The following COL21A1 variants were observed in gnomAD, a reference collection of about 807,000 sequenced individuals.
COL21A1 encodes collagen alpha-1(XXI) chain.
COL21A1 carries 149 observed loss-of-function variants against 137.9 expected under a neutral mutation model. The observed-to-expected ratio is 1.08, with a 90% confidence interval of 0.95 to 1.24. The LOEUF (loss-of-function observed/expected upper bound fraction) is 1.24. Ranked by LOEUF, COL21A1 falls within the 50% of genes most tolerant of loss-of-function variation. COL21A1 has a pLI of 0.00. For synonymous variants in COL21A1, 456 were observed against 391.5 expected (o/e 1.16, Z -1.95); for missense variants, 1,167 against 1,158.4 (o/e 1.01, Z -0.11).
intron 2 of COL21A1, among the ~76,000 whole-genome samples, chr6:56,180,841 T>C (rs1048893250): frequency 6.6e-6 from 1 of 152,248 alleles, no homozygotes; most frequent in Non-Finnish European, 1.5e-5. Flanking sequence ...AGCTGTTCTT[T>C]TCTGCGCATT....
intron 1 of COL21A1, among the ~76,000 whole-genome samples, chr6:56,387,487 G>C (rs867955960): frequency 6.6e-6 from 1 of 152,274 alleles, no homozygotes. Context: ...ATAGTACCTG[G>C]TTTTAACATA....
chr6:56,101,798 G>A (rs368984596), intron 16 of COL21A1, among the ~76,000 whole-genome samples: 2 of 152,180 alleles, frequency 1.3e-5, no homozygotes, highest in African/African-American at 4.8e-5. Flanking sequence ...TATGAGAATA[G>A]ACCATCTTAC....
chr6:56,194,217 A>G (rs966213549), intron 1 of COL21A1, among the ~76,000 whole-genome samples: 5 of 152,218 alleles, frequency 3.3e-5, no homozygotes, highest in Admixed American at 2.6e-4. Context: ...GGGCAAAGTT[A>G]ATTCCCTGAT....
At chr6:56,128,372 T>G (rs1773219010) in intron 12 of COL21A1, among the ~76,000 whole-genome samples, 1 of 152,192 alleles carries the variant, frequency 6.6e-6, no homozygotes, top group African/African-American at 2.4e-5. Flanking sequence ...TTGTTGATCT[T>G]TAACGTTCCT....
At chr6:56,337,737 T>C (rs183450044) in intron 1 of COL21A1, among the ~76,000 whole-genome samples, 8 of 152,350 alleles carry the variant, frequency 5.3e-5, no homozygotes, top group Admixed American at 1.3e-4. Flanking sequence ...TTTCTCTTCA[T>C]AGGCTGTCTT....
intron 1 of COL21A1, among the ~76,000 whole-genome samples, chr6:56,290,209 C>A (rs1253261363): frequency 6.6e-6 from 1 of 152,020 alleles, no homozygotes; most frequent in Non-Finnish European, 1.5e-5. Context: ...CTGGGTTGAC[C>A]TTGCCCTGAT....
intron 1 of COL21A1, among the ~76,000 whole-genome samples, chr6:56,328,542 G>A (rs1453603563): frequency 6.6e-6 from 1 of 152,036 alleles, no homozygotes; most frequent in Non-Finnish European, 1.5e-5. Context: ...ATAAAGCAGA[G>A]ACCCTGCCTG....
At chr6:56,213,547 T>C (rs1390113540) in intron 1 of COL21A1, among the ~76,000 whole-genome samples, 1 of 152,076 alleles carries the variant, frequency 6.6e-6, no homozygotes, top group Non-Finnish European at 1.5e-5. Context: ...TATAATTCAC[T>C]AGCCCTTCAA....
At chr6:56,132,414 A>G (rs1167261011) in intron 12 of COL21A1, among the ~76,000 whole-genome samples, 1 of 152,198 alleles carries the variant, frequency 6.6e-6, no homozygotes, top group Non-Finnish European at 1.5e-5. Context: ...AATTTTGATT[A>G]TAAAGAATAA....
At chr6:56,321,176 C>T (rs1764856772) in intron 1 of COL21A1, among the ~76,000 whole-genome samples, 1 of 152,142 alleles carries the variant, frequency 6.6e-6, no homozygotes, top group Admixed American at 6.6e-5. Context: ...CACGTTTCTG[C>T]ACATCTTATG....
intron 1 of COL21A1, among the ~76,000 whole-genome samples, chr6:56,322,328 G>T (rs979542822): frequency 6.6e-6 from 1 of 152,148 alleles, no homozygotes; most frequent in East Asian, 1.9e-4. Context: ...ATTGGGCTAC[G>T]AAGTTTTGCC....
intron 10 of COL21A1, among the ~76,000 whole-genome samples, chr6:56,149,762 C>T (rs1450101041): frequency 2.6e-5 from 4 of 152,146 alleles, no homozygotes; most frequent in Non-Finnish European, 5.9e-5. Flanking sequence ...GCAAGCAGTT[C>T]TCTTTACCTC....
At chr6:56,246,951 C>T (rs1018433954) in intron 1 of COL21A1, among the ~76,000 whole-genome samples, 1 of 152,108 alleles carries the variant, frequency 6.6e-6, no homozygotes, top group African/African-American at 2.4e-5. Flanking sequence ...GGAGTGAGTC[C>T]ATAATGCAGC....
intron 1 of COL21A1, among the ~76,000 whole-genome samples, chr6:56,314,591 G>A (rs1329392421): frequency 6.6e-6 from 1 of 151,974 alleles, no homozygotes; most frequent in African/African-American, 2.4e-5. Context: ...AAAGTGATTG[G>A]GTTGAATTCA....
intron 1 of COL21A1, among the ~76,000 whole-genome samples, chr6:56,300,253 T>G (rs1764251149): frequency 6.6e-6 from 1 of 151,900 alleles, no homozygotes; most frequent in Admixed American, 6.6e-5. Flanking sequence ...ATAATCAGAG[T>G]AGAGGCTGGA....
intron 10 of COL21A1, among the ~76,000 whole-genome samples, chr6:56,154,814 C>G (rs1217503633): frequency 6.6e-6 from 1 of 152,172 alleles, no homozygotes; most frequent in Non-Finnish European, 1.5e-5. Flanking sequence ...CCAACAACCA[C>G]ACAACATCAC....
chr6:56,114,371 G>A (rs1771720264), intron 16 of COL21A1, among the ~76,000 whole-genome samples: 1 of 152,186 alleles, frequency 6.6e-6, no homozygotes, highest in Non-Finnish European at 1.5e-5. Context: ...GAGACAATGT[G>A]TTTGCTCTTG....
intron 10 of COL21A1, among the ~76,000 whole-genome samples, chr6:56,144,352 A>G (rs1040136330): frequency 1.3e-5 from 2 of 152,294 alleles, no homozygotes; most frequent in Admixed American, 1.3e-4. Context: ...GATTGACTCA[A>G]CTGATTCAAA....
Position 56,269,535 on chromosome 6 carries a change from G to T in COL21A1, c.-38-86879C>A, listed in dbSNP as rs377181025. On this transcript the variant is annotated intron_variant, in intron 1 of 28. Coordinates refer to the COL21A1 transcript ENST00000370819. ...CCGGGCGTAGTGGCGGGCGCCTGTAGTCCCAGCTACTTGGGAGGCTGAGGC... is the reference window on the plus strand; with the variant it reads ...CCGGGCGTAGTGGCGGGCGCCTGTATTCCCAGCTACTTGGGAGGCTGAGGC... Among the ~76,000 whole-genome samples, 52 of 150,556 alleles carry T rather than the reference G, an allele frequency of 3.5e-4. 1 individual carries two copies. Among genetic ancestry groups the T allele is most frequent in the Admixed American group, 1.3e-3 (19 of 15,162 alleles).
Sources: gnomAD v4.1 joint callset for allele counts (sites outside exome capture counted in the v4.1 genomes callset) on GRCh38, gnomAD v4.1.1 for gene constraint, MANE v1.5 for transcripts, NCBI Gene and HGNC (gene_info 2026-07-23, HGNC 2026-07-21) for gene names.